PBRM1: variants seen among roughly 807,000 people sequenced by gnomAD.
The protein encoded by PBRM1 is polybromo 1, also known as protein polybromo-1.
In PBRM1, 27 loss-of-function variants were observed where a neutral mutation model predicts 194.5. The observed-to-expected ratio is 0.14, with a 90% CI of 0.10 to 0.19. The LOEUF (loss-of-function observed/expected upper bound fraction) is 0.19, where lower values mean the gene tolerates loss of function less well. PBRM1 is among the 10% of genes least tolerant of loss of function. The probability of loss-of-function intolerance (pLI) is 1.00; values close to 1 mark genes in which losing one functional copy is unlikely to be tolerated. For synonymous variants in PBRM1, 655 were observed against 693.2 expected, an observed-to-expected ratio of 0.94 and a Z score of 0.87; for missense variants, 1,466 against 2,077.2, an observed-to-expected ratio of 0.71 and a Z score of 5.72.
intron 20 of PBRM1, among the ~76,000 whole-genome samples, chr3:52,581,299 CAGG>C (rs1246156395): frequency 6.6e-6 from 1 of 152,120 alleles, no homozygotes; most frequent in African/African-American, 2.4e-5. Context: ...CACTTGAGGC[CAGG>C]AGTTCGAGAC....
chr3:52,614,400 C>CAAAAAAAAAAAAAA (rs1482035931), intron 15 of PBRM1, among the ~76,000 whole-genome samples: 1 of 98,040 alleles, frequency 1.0e-5, no homozygotes. Flanking sequence ...AAAAAAAAAG[C>CAAAAAAAAAAAAAA]AAAAAAGCTA....
rs2096178857 is a variant in PBRM1 at position 52,643,362 on chromosome 3, A to G, written c.900-19T>C. 6.5e-7 allele frequency: 1 copy of G among 1,540,092 alleles called. No individual in the cohort carries two copies. The highest frequency in any genetic ancestry group is 1.1e-5 in the South Asian group (1 of 89,500). ...TGGAGTCCTATCCAGAGATAAGATA[A>G]AAAGCTTAGAAACTTGGTAGCTGAA... is the stretch of plus-strand genomic sequence containing the variant. On this transcript the variant is annotated intron_variant, in intron 8 of 29. Transcript: ENST00000296302.
At chr3:52,569,151 G>C (rs1464131485) in intron 22 of PBRM1, among the ~76,000 whole-genome samples, 1 of 151,908 alleles carries the variant, frequency 6.6e-6, no homozygotes, top group African/African-American at 2.4e-5. Context: ...GCCTCCCAAA[G>C]TGCTGGGATT....
chr3:52,646,533 T>G (rs2096293515), intron 7 of PBRM1, among the ~76,000 whole-genome samples: 1 of 152,158 alleles, frequency 6.6e-6, no homozygotes, highest in South Asian at 2.1e-4. Context: ...TAACCAAGTC[T>G]GGCATAAGGA....
At chr3:52,627,398 A>G (rs2153581151) in intron 12 of PBRM1, 28 bp from the exon 14 acceptor site, 1 of 1,383,126 alleles carries the variant, frequency 7.2e-7, no homozygotes, top group Non-Finnish European at 1.0e-6. Flanking sequence ...TCAGGAGTTG[A>G]GCTCATGTGC....
At chr3:52,602,050 C>G (rs986511775) in intron 17 of PBRM1, among the ~76,000 whole-genome samples, 1 of 152,304 alleles carries the variant, frequency 6.6e-6, no homozygotes, top group East Asian at 1.9e-4. Context: ...CCCCAGGCCC[C>G]TGGATGGAAT....
chr3:52,592,437 T>C (rs938111863), intron 17 of PBRM1, among the ~76,000 whole-genome samples: 6 of 152,170 alleles, frequency 3.9e-5, no homozygotes, highest in African/African-American at 1.4e-4. Context: ...TGGCTGTCTT[T>C]AGTTCTTTTT....
intron 22 of PBRM1, among the ~76,000 whole-genome samples, chr3:52,571,968 T>A (rs1409445701): frequency 6.6e-6 from 1 of 151,138 alleles, no homozygotes; most frequent in African/African-American, 2.4e-5. Flanking sequence ...CGCCCAGGAG[T>A]TGGAGGCTGC....
chr3:52,604,471 C>T (rs545179575), intron 16 of PBRM1, among the ~76,000 whole-genome samples: 63 of 152,164 alleles, frequency 4.1e-4, no homozygotes, highest in African/African-American at 1.4e-3. Flanking sequence ...GAGGCCGAGG[C>T]GGGAGGACTG....
At chr3:52,561,671 G>A in intron 25 of PBRM1, 96 bp downstream of exon 27, 2 of 1,048,396 alleles carry the variant, frequency 1.9e-6, no homozygotes, top group South Asian at 1.3e-5. Flanking sequence ...AAGTTCATGT[G>A]CAAGTGGTAA....
At chr3:52,571,959 G>A (rs373253888) in intron 22 of PBRM1, among the ~76,000 whole-genome samples, 3 of 149,178 alleles carry the variant, frequency 2.0e-5, no homozygotes, top group Admixed American at 6.7e-5. Context: ...GATTGCTTGC[G>A]CCCAGGAGTT....
At chr3:52,548,281 G>C (rs1384562754) in intron 29 of PBRM1, 46 bp from the exon 32 acceptor site, 1 of 1,476,984 alleles carries the variant, frequency 6.8e-7, no homozygotes, top group Non-Finnish European at 9.1e-7. Flanking sequence ...TTTTAAGTTG[G>C]CAAAATTTCC....
At chr3:52,641,202 A>G (rs1051563145) in intron 10 of PBRM1, among the ~76,000 whole-genome samples, 9 of 152,008 alleles carry the variant, frequency 5.9e-5, no homozygotes, top group African/African-American at 2.2e-4. Context: ...TAATCCCAGC[A>G]CATTCGGAGG....
chr3:52,546,477 A>G (rs2079692590), downstream of PBRM1: 3 of 229,662 alleles, frequency 1.3e-5, no homozygotes, highest in South Asian at 5.5e-4. Flanking sequence ...CCATATTTAA[A>G]GTATCTAGAT....
chr3:52,609,165 A>T lies in PBRM1; in HGVS notation c.2567+148T>A. 1.5e-6 allele frequency: 1 copy of T among 651,618 alleles called. No individual in the cohort carries two copies. Among genetic ancestry groups the T allele is most frequent in the Non-Finnish European group, 2.6e-6 (1 of 383,422 alleles). 40.4% of individuals were successfully genotyped at this position (651,618 alleles called of 1,614,324 possible). A position where few individuals can be genotyped will look rare whatever the true frequency, so the allele number is the denominator to read the frequency against. On this transcript the variant is annotated intron_variant, in intron 16 of 29. Coordinates refer to ENST00000296302, the Ensembl canonical transcript of PBRM1. This position sits in a 1 kb window ranked among gnomAD's most constrained non-coding sequence, Gnocchi z 4.1. ...CCACAGAATATACTCACTCTTAAGAAGTTCTGGCTGATTAGAATTCAGAAT... is the reference window on the plus strand; with the variant it reads ...CCACAGAATATACTCACTCTTAAGATGTTCTGGCTGATTAGAATTCAGAAT...
intron 10 of PBRM1, among the ~76,000 whole-genome samples, chr3:52,638,142 A>T (rs2095899055): frequency 6.6e-6 from 1 of 152,090 alleles, no homozygotes; most frequent in Admixed American, 6.6e-5. Context: ...TCCTAAATCC[A>T]ACTGTGTCCT....
intron 13 of PBRM1, among the ~76,000 whole-genome samples, chr3:52,620,467 C>T (rs2095223575): frequency 6.6e-6 from 1 of 152,204 alleles, no homozygotes; most frequent in African/African-American, 2.4e-5. Flanking sequence ...AGGAGGTGCT[C>T]ACCCCATTCC....
At chr3:52,566,122 C>A (rs74686130) in intron 22 of PBRM1, among the ~76,000 whole-genome samples, 2 of 151,768 alleles carry the variant, frequency 1.3e-5, no homozygotes, top group South Asian at 4.2e-4. Flanking sequence ...CAAATCAAAA[C>A]GGCAATGTAA....
chr3:52,657,369 A>G (rs1434389469), intron 5 of PBRM1, among the ~76,000 whole-genome samples: 3 of 152,232 alleles, frequency 2.0e-5, no homozygotes, highest in Non-Finnish European at 2.9e-5. Context: ...ACGTAAAAAT[A>G]AAAAAATAAA....
Sources: gnomAD v4.1 joint callset for allele counts (sites outside exome capture counted in the v4.1 genomes callset) on GRCh38, gnomAD v4.1.1 for gene constraint, Gnocchi (gnomAD v3.1) non-coding constraint, MANE v1.5 for transcripts, NCBI Gene and HGNC (gene_info 2026-07-23, HGNC 2026-07-21) for gene names.